Variants in RALGAPA1 observed in about 807,000 individuals in gnomAD.
The protein encoded by RALGAPA1 is ral GTPase-activating protein subunit alpha-1.
RALGAPA1 carries 52 observed loss-of-function variants against 269.6 expected under a neutral mutation model. The observed-to-expected ratio is 0.19, with a 90% confidence interval of 0.15 to 0.24. The LOEUF (loss-of-function observed/expected upper bound fraction) is 0.24, where lower values mean the gene tolerates loss of function less well. Ranked by LOEUF, RALGAPA1 falls within the 10% of genes least tolerant of loss-of-function variation. The pLI is 1.00. For missense variants in RALGAPA1, 1,917 were observed against 3,013.9 expected, an observed-to-expected ratio of 0.64 and a Z score of 8.52; for synonymous variants, 817 against 1,008.3, an observed-to-expected ratio of 0.81 and a Z score of 3.60.
At chr14:35,710,086 A>G (rs904366650) in intron 16 of RALGAPA1, among the ~76,000 whole-genome samples, 1 of 152,094 alleles carries the variant, frequency 6.6e-6, no homozygotes, top group Non-Finnish European at 1.5e-5. Context: ...GTCCTCACTG[A>G]TTTTCTGCCT....
At chr14:35,550,186 A>G (rs2054857567) in intron 39 of RALGAPA1, among the ~76,000 whole-genome samples, 1 of 152,234 alleles carries the variant, frequency 6.6e-6, no homozygotes, top group African/African-American at 2.4e-5. Context: ...AATGTAGAGC[A>G]GCAGGCAGCA....
intron 37 of RALGAPA1, among the ~76,000 whole-genome samples, chr14:35,591,611 T>C (rs1227187496): frequency 6.6e-6 from 1 of 152,158 alleles, no homozygotes; most frequent in Non-Finnish European, 1.5e-5. Flanking sequence ...CCACCACACC[T>C]GGCCTGGAAT....
At chr14:35,753,840 T>C (rs1396441804) in intron 7 of RALGAPA1, among the ~76,000 whole-genome samples, 1 of 152,140 alleles carries the variant, frequency 6.6e-6, no homozygotes, top group Admixed American at 6.6e-5. Context: ...AAAATGTGCA[T>C]CATATCTCAA....
intron 7 of RALGAPA1, among the ~76,000 whole-genome samples, chr14:35,754,296 C>T (rs192439268): frequency 4.1e-4 from 62 of 152,142 alleles, no homozygotes; most frequent in Non-Finnish European, 6.2e-4. Context: ...AACGGAAAGA[C>T]GAGCTACTGG....
chr14:35,633,056 T>G (rs2061451724), intron 33 of RALGAPA1, among the ~76,000 whole-genome samples: 2 of 152,222 alleles, frequency 1.3e-5, no homozygotes, highest in Admixed American at 1.3e-4. Flanking sequence ...ATATCAATAT[T>G]AAGCTAATCT....
chr14:35,684,038 T>G, intron 20 of RALGAPA1, 53 bp from the exon 21 acceptor site: 1 of 1,446,276 alleles, frequency 6.9e-7, no homozygotes, highest in Non-Finnish European at 9.5e-7. Flanking sequence ...AGTAAAAATA[T>G]TTACGAGAGC....
At chr14:35,616,288 AG>A (rs1466002113) in intron 35 of RALGAPA1, among the ~76,000 whole-genome samples, 1 of 152,192 alleles carries the variant, frequency 6.6e-6, no homozygotes, top group Non-Finnish European at 1.5e-5. Flanking sequence ...TATGTTATGA[AG>A]GTAAGAAACA....
chr14:35,683,337 G>A (rs2065629237), intron 21 of RALGAPA1: 1 of 152,262 alleles, frequency 6.6e-6, no homozygotes, highest in Non-Finnish European at 1.5e-5. Flanking sequence ...TTAGTATATT[G>A]ACAAACAGGC....
chr14:35,617,541 C>T (rs2050205084), intron 35 of RALGAPA1, among the ~76,000 whole-genome samples: 2 of 148,560 alleles, frequency 1.3e-5, no homozygotes, highest in Non-Finnish European at 3.0e-5. Context: ...TCACTTGAAC[C>T]CCGAAGGCGG....
chr14:35,656,024 T>A (rs944905307), intron 28 of RALGAPA1, 109 bp from the exon 29 acceptor site: 3 of 1,557,232 alleles, frequency 1.9e-6, no homozygotes, highest in East Asian at 4.6e-5. Flanking sequence ...AATGAATTAA[T>A]GAATTTGTTA....
intron 33 of RALGAPA1, among the ~76,000 whole-genome samples, chr14:35,633,363 T>C (rs1466995711): frequency 6.6e-6 from 1 of 152,198 alleles, no homozygotes; most frequent in East Asian, 1.9e-4. Flanking sequence ...TTTTTTGCTT[T>C]ATACTGCTTG....
Position 35,687,408 on chromosome 14 carries a change from A to G in RALGAPA1, c.3953-742T>C, listed in dbSNP as rs571531872. On this transcript the variant is annotated intron_variant, in intron 18 of 41. Coordinates refer to ENST00000680220, the MANE Select transcript of RALGAPA1 (RefSeq NM_001346249.2). ...TGAGCACTGTTTATATTCCTAATAA[A>G]CTACAAAGTATTTCAGATTAAAAAA... 2.6e-5 allele frequency among the ~76,000 whole-genome samples: 4 copies of G among 152,270 alleles called. No homozygotes were observed. The East Asian group carries it at 7.7e-4, about 29-fold the overall frequency.
Position 35,678,353 on chromosome 14 carries a change from G to A in RALGAPA1, c.4472-251C>T, listed in dbSNP as rs543238109. Reference sequence around the variant, plus strand: ...ATGTACCAAATGACAGGAGCCATTAGTGAAACTAAGAATATCTACTCCCAT... The same window carrying A: ...ATGTACCAAATGACAGGAGCCATTAATGAAACTAAGAATATCTACTCCCAT... On this transcript the variant is annotated intron_variant, in intron 21 of 41. Coordinates refer to ENST00000680220, the MANE Select transcript of RALGAPA1 (RefSeq NM_001346249.2). Among the ~76,000 whole-genome samples, 40 of 152,220 alleles carry A rather than the reference G, an allele frequency of 2.6e-4. No individual in the cohort carries two copies. In the South Asian group the frequency reaches 7.9e-3, roughly 30 times the overall value.
chr14:35,565,141 T>TA (rs2056588289), intron 39 of RALGAPA1, among the ~76,000 whole-genome samples: 1 of 152,016 alleles, frequency 6.6e-6, no homozygotes, highest in Non-Finnish European at 1.5e-5. Context: ...TGTTGATAGT[T>TA]AAACTGTAAT....
intron 1 of RALGAPA1, among the ~76,000 whole-genome samples, chr14:35,776,650 G>T (rs562441858): frequency 1.3e-5 from 2 of 152,176 alleles, no homozygotes; most frequent in Admixed American, 1.3e-4. Context: ...GCTCAATAAA[G>T]CACAAAGGTG....
Position 35,627,653 on chromosome 14 carries a change from A to G in RALGAPA1, c.6294T>C (p.Asn2098=). Residue 2098 remains asparagine, a synonymous_variant, in exon 34 of 42, where the codon AAT becomes AAC. Transcript: ENST00000680220. ...GGLSAGLASA[N]SNVRIIVRDL... ...CACGTACTATGATTCTGACATTTGAATTGGCTGATGCAAGGCCAGCAGATA... is the reference window on the plus strand; with the variant it reads ...CACGTACTATGATTCTGACATTTGAGTTGGCTGATGCAAGGCCAGCAGATA... The G allele has an allele frequency of 6.3e-7, 1 of 1,588,034 alleles. No homozygotes were observed. The highest frequency in any genetic ancestry group is 8.6e-7 in the Non-Finnish European group (1 of 1,165,374).
intron 26 of RALGAPA1, among the ~76,000 whole-genome samples, chr14:35,670,992 C>G (rs1162588206): frequency 1.3e-5 from 2 of 151,196 alleles, no homozygotes; most frequent in African/African-American, 4.9e-5. Flanking sequence ...GATGCCTTAC[C>G]AAGTTTCTTT....
chr14:35,599,185 A>G (rs2059119589), intron 36 of RALGAPA1, among the ~76,000 whole-genome samples: 3 of 152,240 alleles, frequency 2.0e-5, no homozygotes, highest in South Asian at 2.1e-4. Context: ...AGACAGTGTT[A>G]TAATTTTTGC....
chr14:35,739,973 T>G (rs566914311), intron 11 of RALGAPA1, among the ~76,000 whole-genome samples: 16 of 152,188 alleles, frequency 1.1e-4, no homozygotes, highest in Non-Finnish European at 2.1e-4. Context: ...CTATCTCATA[T>G]TTCCTGCTGT....
Sources: allele counts gnomAD v4.1 joint callset (sites outside exome capture counted in the v4.1 genomes callset), GRCh38; gene constraint gnomAD v4.1.1; transcripts MANE v1.5; gene names NCBI Gene and HGNC (gene_info 2026-07-23, HGNC 2026-07-21).